The following SLC38A10 variants were observed in gnomAD, a reference collection of about 807,000 sequenced individuals.
SLC38A10 encodes Sodium-coupled neutral amino acid transporter 10.
A neutral mutation model predicts 81.0 loss-of-function variants in SLC38A10; 53 were observed. That is an observed-to-expected ratio of 0.65 (90% CI 0.53 to 0.82). SLC38A10 has a LOEUF of 0.82. Ranked by LOEUF, SLC38A10 falls within the 40% of genes least tolerant of loss-of-function variation. SLC38A10 has a pLI of 0.00. For missense variants in SLC38A10, 1,471 were observed against 1,545.0 expected (o/e 0.95, Z 0.80); for synonymous variants, 665 against 655.3 (o/e 1.01, Z -0.23).
chr17:81,282,050 T>G (rs761532161), intron 5 of SLC38A10, 139 bp downstream of exon 5: 35 of 1,269,484 alleles, frequency 2.8e-5, no homozygotes, highest in Non-Finnish European at 3.8e-5. Context: ...CACTTCCTGG[T>G]ACATCCTGCT....
At chr17:81,250,933 G>A (rs1338446992) in intron 14 of SLC38A10, 1 of 1,238,652 alleles carries the variant, frequency 8.1e-7, no homozygotes, top group African/African-American at 1.5e-5. Context: ...AGCTTTCCTG[G>A]AGGGACAGGT....
rs914485231 is a variant in SLC38A10 at position 81,281,962 on chromosome 17, C to T, written c.501+227G>A. ...AGCCACCCCTGCCCTGAGCCCCAGC[C>T]TCTCCTGCCAGCCAACCGCACCTGG... On this transcript the variant is annotated intron_variant, in intron 5 of 15. Coordinates refer to ENST00000374759, the MANE Select transcript of SLC38A10 (RefSeq NM_001037984.3). The surrounding 1 kb of genome is among the most constrained non-coding windows in gnomAD (Gnocchi z 5.3). Among the ~76,000 whole-genome samples the T allele has an allele frequency of 3.9e-5, 6 of 152,150 alleles. No homozygotes were observed. The highest frequency in any genetic ancestry group is 5.9e-5 in the Non-Finnish European group (4 of 68,012).
At chr17:81,269,507 T>C (rs932779821) in intron 10 of SLC38A10, among the ~76,000 whole-genome samples, 1 of 152,002 alleles carries the variant, frequency 6.6e-6, no homozygotes, top group Non-Finnish European at 1.5e-5. Context: ...GGACGTGTAT[T>C]CTAATGTACA....
rs1194003292 is a variant in SLC38A10 at position 81,251,599 on chromosome 17, G to A, written c.1959C>T (p.Pro653=). The change falls in exon 14 of 16, where the codon CCC becomes CCT. Residue 653 remains proline (P), a synonymous_variant. Transcript: ENST00000374759. ...AEDSDHGGKP[P]LPAEKPAPGP... ...CTGGAGCCGGCTTCTCCGCTGGGAG[G>A]GGAGGCTTCCCACCTGCACACACGG... 2.0e-6 allele frequency: 3 copies of A among 1,492,226 alleles called. No individual in the cohort carries two copies. Among genetic ancestry groups the A allele is most frequent in the Non-Finnish European group, 2.7e-6 (3 of 1,128,412 alleles). The allele number at this position is 1,492,226 out of a possible 1,614,324, so 92.4% of individuals were successfully genotyped here.
chr17:81,260,382 C>T lies in SLC38A10; in HGVS notation c.1144G>A (p.Val382Ile), dbSNP rs2063011180. 1 of 1,611,148 alleles carries T rather than the reference C, an allele frequency of 6.2e-7. No individual in the cohort carries two copies. The highest frequency in any genetic ancestry group is 1.1e-5 in the South Asian group (1 of 90,808). ...NALSSQVVLW[V>I]GLGVLVVSTV... ...CTCACCACCAGGACGCCCAGGCCGACCCACAGCACCACCTGAGGAGACAAA... is the reference window on the plus strand; with the variant it reads ...CTCACCACCAGGACGCCCAGGCCGATCCACAGCACCACCTGAGGAGACAAA... Residue 382 changes from valine to isoleucine, a missense_variant, in exon 11 of 16, where the codon GTC (valine) becomes ATC (isoleucine). Transcript: ENST00000374759.
intron 11 of SLC38A10, among the ~76,000 whole-genome samples, chr17:81,259,930 C>A (rs1427092044): frequency 6.6e-6 from 1 of 152,246 alleles, no homozygotes; most frequent in Non-Finnish European, 1.5e-5. Context: ...GTGAGCAACA[C>A]TCAGAAACGT....
chr17:81,248,672 G>A (rs1253485959), intron 14 of SLC38A10, among the ~76,000 whole-genome samples: 5 of 152,242 alleles, frequency 3.3e-5, no homozygotes, highest in South Asian at 2.1e-4. Flanking sequence ...TCTCAGGGAC[G>A]GCCCTGCATG....
At chr17:81,247,840 CAAAAAAGAAAAAA>C (rs1295606095) in intron 14 of SLC38A10, among the ~76,000 whole-genome samples, 2 of 144,698 alleles carry the variant, frequency 1.4e-5, no homozygotes, top group Non-Finnish European at 3.0e-5. Context: ...GACCCTGTCT[CAAAAAAGAAAAAA>C]AGAAAAGAAA....
At chr17:81,249,764 C>T (rs1011570190) in intron 14 of SLC38A10, among the ~76,000 whole-genome samples, 1 of 152,104 alleles carries the variant, frequency 6.6e-6, no homozygotes, top group East Asian at 1.9e-4. Flanking sequence ...CAGCGTCCCC[C>T]CTTGGCTGGT....
Position 81,252,262 on chromosome 17 carries a change from G to T in SLC38A10, c.1878C>A (p.Ala626=). Residue 626 remains alanine (A), a synonymous_variant, in exon 13 of 16, where the codon GCC becomes GCA. Transcript: ENST00000374759. ...NGLAVGGGEK[A]KGGPPPGNAA... ...CGTTGCCTGGCGGCGGTCCCCCCTT[G>T]GCCTTTTCCCCTCCACCCACCGCCA... 1 of 1,594,120 alleles carries T rather than the reference G, an allele frequency of 6.3e-7. No individual in the cohort carries two copies.
rs1452611828 is a variant in SLC38A10, at chr17:81,284,915, A to G, written c.218-20T>C. The G allele has an allele frequency of 1.9e-6, 3 of 1,542,168 alleles. No homozygotes were observed. Among genetic ancestry groups the G allele is most frequent in the African/African-American group, 2.8e-5 (2 of 72,520 alleles). ...GGAATGCTAGTGCAAAAGAAAAAGGAACACTCAATCCAACAGCGTGAGAAG... is the reference window on the plus strand; with the variant it reads ...GGAATGCTAGTGCAAAAGAAAAAGGGACACTCAATCCAACAGCGTGAGAAG... On this transcript the variant is annotated intron_variant, in intron 2 of 15. Coordinates refer to ENST00000374759, the MANE Select transcript of SLC38A10 (RefSeq NM_001037984.3).
chr17:81,282,127 C>CA (rs2063217925), intron 5 of SLC38A10, 62 bp downstream of exon 5: 1 of 1,602,442 alleles, frequency 6.2e-7, no homozygotes, highest in Non-Finnish European at 8.5e-7. Context: ...CTGCTGTGGC[C>CA]ACAGGAAAGA....
At chr17:81,256,021 G>A (rs1010726927) in intron 11 of SLC38A10, among the ~76,000 whole-genome samples, 1 of 152,138 alleles carries the variant, frequency 6.6e-6, no homozygotes, top group Admixed American at 6.5e-5. Flanking sequence ...ACCACGACCC[G>A]TGACCATCAT....
chr17:81,263,278 A>G (rs1276530463), intron 10 of SLC38A10: 1 of 152,276 alleles, frequency 6.6e-6, no homozygotes, highest in Non-Finnish European at 1.5e-5. Flanking sequence ...AGGGCGGGAC[A>G]ATTCCAGACA....
At position 81,244,811 on chromosome 17, in the gene SLC38A10, TC is replaced by T. The variant is rs1445192258; in HGVS notation, c.*744del. Among the ~76,000 whole-genome samples, 2 of 152,146 alleles carry T rather than the reference TC, an allele frequency of 1.3e-5. No individual in the cohort carries two copies. Among genetic ancestry groups the T allele is most frequent in the African/African-American group, 4.8e-5 (2 of 41,432 alleles). On this transcript the variant is annotated 3_prime_UTR_variant, in exon 16 of 16. Transcript: ENST00000374759. ...ACTCCCCCAGGACCAACTTCACTAATCAGGTTATCAGTGGTGTTTTTTACTT... is the reference window on the plus strand; with the variant it reads ...ACTCCCCCAGGACCAACTTCACTAATAGGTTATCAGTGGTGTTTTTTACTT...
At chr17:81,260,533 G>T in intron 10 of SLC38A10, 139 bp from the exon 11 acceptor site, 3 of 1,197,428 alleles carry the variant, frequency 2.5e-6, no homozygotes, top group Admixed American at 2.9e-5. Context: ...CCCCGAGGAC[G>T]GGACAGGCGT....
rs1013943588 is a variant in SLC38A10 at position 81,281,495 on chromosome 17, G to A, written c.501+694C>T. 1.9e-4 allele frequency among the ~76,000 whole-genome samples: 29 copies of A among 152,106 alleles called. No homozygotes were observed. Among genetic ancestry groups the A allele is most frequent in the Admixed American group, 1.2e-3 (18 of 15,270 alleles). On this transcript the variant is annotated intron_variant, in intron 5 of 15. Coordinates refer to ENST00000374759, the MANE Select transcript of SLC38A10 (RefSeq NM_001037984.3). The surrounding 1 kb of genome is among the most constrained non-coding windows in gnomAD (Gnocchi z 5.3). ...AATTCTCATTTAGAAAAATAATAGC[G>A]GCCGGGCGTGGTGGCTCATGCCTGT...
chr17:81,269,702 AG>A (rs2063098251), intron 10 of SLC38A10, among the ~76,000 whole-genome samples: 1 of 151,412 alleles, frequency 6.6e-6, no homozygotes, highest in South Asian at 2.1e-4. Flanking sequence ...TATCAGGTTG[AG>A]GCCGGGCGCA....
In SLC38A10 at chr17:81,277,173, G is replaced by A. The variant is rs1458776299; in HGVS notation, c.627-40C>T. On this transcript the variant is annotated intron_variant, in intron 6 of 15. Coordinates refer to ENST00000374759, the MANE Select transcript of SLC38A10 (RefSeq NM_001037984.3). The surrounding 1 kb of genome is among the most constrained non-coding windows in gnomAD (Gnocchi z 4.5). ...GCCATTTCACAGCGGACCTGAGAGA[G>A]GCACGCCCTCCCCAGCGGCTCCACT... 2.5e-6 allele frequency: 4 copies of A among 1,588,498 alleles called. No homozygotes were observed. In the South Asian group the frequency reaches 3.3e-5, roughly 13 times the overall value.
Sources: gnomAD v4.1 joint callset for allele counts (sites outside exome capture counted in the v4.1 genomes callset) on GRCh38, gnomAD v4.1.1 for gene constraint, Gnocchi (gnomAD v3.1) non-coding constraint, MANE v1.5 for transcripts, NCBI Gene and HGNC (gene_info 2026-07-23, HGNC 2026-07-21) for gene names.